NEK6: variants seen among roughly 807,000 people sequenced by gnomAD.
The protein encoded by NEK6 is serine/threonine-protein kinase Nek6.
NEK6 carries 27 observed loss-of-function variants against 43.5 expected under a neutral mutation model. The ratio of observed to expected loss-of-function variants is 0.62; its 90% CI spans 0.46 to 0.86. The LOEUF (loss-of-function observed/expected upper bound fraction) is 0.86. Among genes scored for constraint, NEK6 ranks in the 40% least tolerant of loss-of-function variants. NEK6 has a pLI of 0.00. For missense variants in NEK6, 318 were observed against 414.4 expected (o/e 0.77, Z 2.02); for synonymous variants, 167 against 164.1 (o/e 1.02, Z -0.14).
intron 8 of NEK6, among the ~76,000 whole-genome samples, chr9:124,345,715 A>G (rs1829887069): frequency 1.3e-5 from 2 of 152,214 alleles, no homozygotes; most frequent in African/African-American, 4.8e-5. Flanking sequence ...TACGCTGCAC[A>G]GTAACAGTCC....
At chr9:124,329,209 T>C (rs1828836791) in intron 7 of NEK6, among the ~76,000 whole-genome samples, 1 of 152,186 alleles carries the variant, frequency 6.6e-6, no homozygotes, top group South Asian at 2.1e-4. Flanking sequence ...AACCAAGTGT[T>C]TCGGTCAGTT....
chr9:124,258,308 G>A (rs1394161900), intron 1 of NEK6: 1 of 985,296 alleles, frequency 1.0e-6, no homozygotes, highest in Non-Finnish European at 1.2e-6. Flanking sequence ...CGGGGTGTGC[G>A]CGTCCCCGGC....
chr9:124,269,944 C>G (rs1485851526), intron 1 of NEK6, among the ~76,000 whole-genome samples: 1 of 152,164 alleles, frequency 6.6e-6, no homozygotes, highest in Non-Finnish European at 1.5e-5. Flanking sequence ...TTTCAGTCTC[C>G]CACAGTCCAG....
rs539882790 is a variant in NEK6, at chr9:124,343,783, G to T, written c.718-3926G>T. On this transcript the variant is annotated intron_variant, in intron 8 of 9. Transcript: ENST00000320246. The surrounding 1 kb of genome is among the most constrained non-coding windows in gnomAD (Gnocchi z 5.1). Reference sequence around the variant, plus strand: ...ACAGGGCACATACCCAGGTCACCTGGGCCCTGGTGACAGACACAGCCGGAG... The same window carrying T: ...ACAGGGCACATACCCAGGTCACCTGTGCCCTGGTGACAGACACAGCCGGAG... Among the ~76,000 whole-genome samples, 1 of 152,108 alleles carries T rather than the reference G, an allele frequency of 6.6e-6. No individual in the cohort carries two copies. The highest frequency in any genetic ancestry group is 1.9e-4 in the East Asian group (1 of 5,176).
Position 124,325,354 on chromosome 9 carries a change from T to C in NEK6, c.406-976T>C, listed in dbSNP as rs10986314. Among the ~76,000 whole-genome samples the C allele has an allele frequency of 4.8e-3, 736 of 152,370 alleles. 35 individuals are homozygous for C. In the East Asian group the frequency reaches 0.12, roughly 24 times the overall value. ...CACCCTGCAGGTGGTCTGAAAGTGC[T>C]GGCCCAGCTCCTTTCCTCCACCCAT... is the stretch of plus-strand genomic sequence containing the variant. On this transcript the variant is annotated intron_variant, in intron 5 of 9. Coordinates refer to ENST00000320246, the MANE Select transcript of NEK6 (RefSeq NM_014397.6).
chr9:124,297,034 C>G (rs1450673596), intron 1 of NEK6, among the ~76,000 whole-genome samples: 1 of 152,258 alleles, frequency 6.6e-6, no homozygotes, highest in Admixed American at 6.5e-5. Context: ...GGCACAGCAG[C>G]TGGCTTTGCA....
intron 8 of NEK6, among the ~76,000 whole-genome samples, chr9:124,340,892 G>A (rs1235593765): frequency 2.6e-5 from 4 of 152,234 alleles, no homozygotes; most frequent in South Asian, 4.1e-4. Context: ...GCTGCCCACC[G>A]CTGGGCCACG....
intron 7 of NEK6, among the ~76,000 whole-genome samples, 190 bp downstream of exon 7, chr9:124,327,635 C>T (rs1426319144): frequency 6.6e-6 from 1 of 152,230 alleles, no homozygotes; most frequent in Non-Finnish European, 1.5e-5. Context: ...AGGAGCCCAG[C>T]TGGGGCTTCC....
intron 1 of NEK6, among the ~76,000 whole-genome samples, chr9:124,263,417 A>G (rs1316528141): frequency 2.6e-5 from 4 of 152,236 alleles, no homozygotes; most frequent in East Asian, 1.9e-4. Flanking sequence ...CCTGCCTCTC[A>G]TGAGCACGTC....
intron 3 of NEK6, 53 bp downstream of exon 3, chr9:124,312,702 A>G: frequency 6.4e-7 from 1 of 1,574,202 alleles, no homozygotes. Context: ...TGGTCTCTGC[A>G]TCTGGACGGG....
chr9:124,317,700 T>C (rs1364396612), intron 4 of NEK6, among the ~76,000 whole-genome samples: 1 of 152,204 alleles, frequency 6.6e-6, no homozygotes, highest in Admixed American at 6.5e-5. Flanking sequence ...TAGAGCCCAG[T>C]GTGTCTACTG....
At chr9:124,342,038 C>G (rs978225029) in intron 8 of NEK6, among the ~76,000 whole-genome samples, 1 of 152,164 alleles carries the variant, frequency 6.6e-6, no homozygotes, top group Admixed American at 6.5e-5. Context: ...GTTCCAGTCT[C>G]TCCAGGACTC....
rs1833693213 is a variant in NEK6, at chr9:124,314,056, A to G, written c.294+71A>G. The G allele has an allele frequency of 2.2e-5, 30 of 1,392,648 alleles. No individual in the cohort carries two copies. The South Asian group carries it at 3.3e-4, about 15-fold the overall frequency. The allele number at this position is 1,392,648 out of a possible 1,614,324, so 86.3% of individuals were successfully genotyped here. On this transcript the variant is annotated intron_variant, in intron 4 of 9. Coordinates refer to ENST00000320246, the MANE Select transcript of NEK6 (RefSeq NM_014397.6). ...TCTGGGGCCGCGGCTGGGCCACATCATGTCCATCACAGCCCTTGGGTGCCA... is the reference window on the plus strand; with the variant it reads ...TCTGGGGCCGCGGCTGGGCCACATCGTGTCCATCACAGCCCTTGGGTGCCA...
chr9:124,261,598 A>G (rs1831033169), intron 1 of NEK6: 4 of 985,290 alleles, frequency 4.1e-6, no homozygotes, highest in Non-Finnish European at 4.8e-6. Flanking sequence ...GCTTCTTGTC[A>G]CTTGTCATTT....
chr9:124,261,255 T>C (rs910978688), intron 1 of NEK6: 2 of 317,296 alleles, frequency 6.3e-6, no homozygotes, highest in Non-Finnish European at 9.1e-6. Context: ...GGGCCAGAGC[T>C]ACTGGAGAGA....
At chr9:124,327,684 C>G (rs1346026128) in intron 7 of NEK6, among the ~76,000 whole-genome samples, 1 of 152,230 alleles carries the variant, frequency 6.6e-6, no homozygotes, top group Non-Finnish European at 1.5e-5. Context: ...GCGGGAGAAG[C>G]TGACTGAGCC....
intron 1 of NEK6, among the ~76,000 whole-genome samples, chr9:124,299,050 C>T (rs1300486769): frequency 1.3e-5 from 2 of 152,204 alleles, no homozygotes; most frequent in Non-Finnish European, 2.9e-5. Flanking sequence ...GAATGACATT[C>T]CCAAGCACCC....
At chr9:124,316,457 C>T (rs1011962161) in intron 4 of NEK6, among the ~76,000 whole-genome samples, 2 of 152,192 alleles carry the variant, frequency 1.3e-5, no homozygotes, top group African/African-American at 4.8e-5. Context: ...GGACAGGGAC[C>T]CTTACTCTCA....
intron 7 of NEK6, among the ~76,000 whole-genome samples, chr9:124,328,740 C>T (rs1828810694): frequency 1.3e-5 from 2 of 152,238 alleles, no homozygotes; most frequent in South Asian, 2.1e-4. Flanking sequence ...CAGCGCGTCA[C>T]ACACACTTAG....
Sources: gnomAD v4.1 joint callset for allele counts (sites outside exome capture counted in the v4.1 genomes callset) on GRCh38, gnomAD v4.1.1 for gene constraint, Gnocchi (gnomAD v3.1) non-coding constraint, MANE v1.5 for transcripts, NCBI Gene and HGNC (gene_info 2026-07-23, HGNC 2026-07-21) for gene names.